RAD54B: variants seen among roughly 807,000 people sequenced by gnomAD.
RAD54B encodes the protein DNA repair and recombination protein RAD54B.
RAD54B carries 78 observed loss-of-function variants against 95.8 expected under a neutral mutation model. The ratio of observed to expected loss-of-function variants is 0.81; its 90% CI spans 0.68 to 0.98. RAD54B has a LOEUF of 0.98. RAD54B is among the 50% of genes least tolerant of loss of function. RAD54B has a pLI of 0.00. For missense variants in RAD54B, 957 were observed against 1,056.6 expected (o/e 0.91, Z 1.31); for synonymous variants, 328 against 354.9 (o/e 0.92, Z 0.85).
intron 6 of RAD54B, 49 bp downstream of exon 6, chr8:94,404,028 G>A (rs1034477914): frequency 7.1e-7 from 1 of 1,410,454 alleles, no homozygotes; most frequent in African/African-American, 1.4e-5. Flanking sequence ...TTGTGTTACA[G>A]GTTAAATCAA....
At chr8:94,430,442 G>A (rs1345500680) in intron 3 of RAD54B, 2 of 984,880 alleles carry the variant, frequency 2.0e-6, no homozygotes, top group African/African-American at 1.7e-5. Flanking sequence ...TAGGCACCAA[G>A]CGAGGTTCCA....
intron 3 of RAD54B, among the ~76,000 whole-genome samples, chr8:94,419,477 T>C (rs1026611654): frequency 6.6e-6 from 1 of 151,918 alleles, no homozygotes; most frequent in African/African-American, 2.4e-5. Flanking sequence ...CACTGCACTC[T>C]AGCCTGGGCA....
chr8:94,418,229 AT>A (rs1188798680), intron 3 of RAD54B, among the ~76,000 whole-genome samples: 1 of 151,996 alleles, frequency 6.6e-6, no homozygotes, highest in East Asian at 1.9e-4. Context: ...TTTAAGCTCT[AT>A]CATATTCAAT....
At chr8:94,396,659 T>C (rs544237658) in intron 8 of RAD54B, among the ~76,000 whole-genome samples, 1 of 152,302 alleles carries the variant, frequency 6.6e-6, no homozygotes, top group African/African-American at 2.4e-5. Context: ...TTATCTTTTC[T>C]ATGATATAAT....
intron 3 of RAD54B, among the ~76,000 whole-genome samples, chr8:94,425,780 C>G (rs1450037406): frequency 6.6e-6 from 1 of 150,868 alleles, no homozygotes; most frequent in Non-Finnish European, 1.5e-5. Flanking sequence ...TCTTCAATAC[C>G]TCATGTCAGA....
At chr8:94,452,064 G>A (rs1435463129) in intron 3 of RAD54B, among the ~76,000 whole-genome samples, 2 of 152,132 alleles carry the variant, frequency 1.3e-5, no homozygotes, top group African/African-American at 4.8e-5. Context: ...CTCCTTTCTG[G>A]TTCATAGATG....
chr8:94,468,632 T>C (rs1423000423), intron 1 of RAD54B, among the ~76,000 whole-genome samples: 1 of 151,920 alleles, frequency 6.6e-6, no homozygotes, highest in East Asian at 1.9e-4. Context: ...GAGACCATCC[T>C]GGCTAACCCA....
intron 3 of RAD54B, chr8:94,432,125 A>T (rs200271478): frequency 5.3e-6 from 8 of 1,509,402 alleles, no homozygotes; most frequent in Non-Finnish European, 7.1e-6. Context: ...AGATTGAAAA[A>T]AAAACTTAGA....
intron 1 of RAD54B, among the ~76,000 whole-genome samples, chr8:94,470,462 G>A (rs538143561): frequency 1.3e-5 from 2 of 152,244 alleles, no homozygotes; most frequent in East Asian, 3.9e-4. Context: ...AGGCGTGGTG[G>A]CGCATGCCTG....
chr8:94,439,381 C>T (rs1423843060), intron 3 of RAD54B, among the ~76,000 whole-genome samples: 1 of 152,182 alleles, frequency 6.6e-6, no homozygotes, highest in African/African-American at 2.4e-5. Flanking sequence ...ACAATACATC[C>T]ATATCATGGT....
At chr8:94,455,517 AAAG>A (rs1812759387) in intron 3 of RAD54B, among the ~76,000 whole-genome samples, 1 of 152,238 alleles carries the variant, frequency 6.6e-6, no homozygotes, top group African/African-American at 2.4e-5. Flanking sequence ...AAAGAATCAG[AAAG>A]AATAAAAAAA....
intron 11 of RAD54B, among the ~76,000 whole-genome samples, chr8:94,382,800 G>C (rs1810777762): frequency 6.6e-6 from 1 of 152,114 alleles, no homozygotes; most frequent in Non-Finnish European, 1.5e-5. Flanking sequence ...CCCTGCTCTT[G>C]CTAGCTCTCT....
At chr8:94,400,876 G>T (rs1406472792) in intron 6 of RAD54B, among the ~76,000 whole-genome samples, 1 of 152,092 alleles carries the variant, frequency 6.6e-6, no homozygotes, top group East Asian at 1.9e-4. Flanking sequence ...GATCTACTGA[G>T]CTGTATTTTA....
At chr8:94,412,748 ATATAAAG>A (rs973834995) in intron 3 of RAD54B, among the ~76,000 whole-genome samples, 2 of 152,184 alleles carry the variant, frequency 1.3e-5, no homozygotes, top group African/African-American at 4.8e-5. Context: ...CAACAAAAGC[ATATAAAG>A]TATAAAGATC....
At chr8:94,453,632 G>A (rs1812716401) in intron 3 of RAD54B, among the ~76,000 whole-genome samples, 1 of 152,122 alleles carries the variant, frequency 6.6e-6, no homozygotes, top group Non-Finnish European at 1.5e-5. Context: ...AAGGAAGCTA[G>A]TGAACAATTA....
intron 1 of RAD54B, among the ~76,000 whole-genome samples, chr8:94,470,333 T>G (rs1366463867): frequency 6.6e-6 from 1 of 151,850 alleles, no homozygotes; most frequent in Non-Finnish European, 1.5e-5. Flanking sequence ...GTGCAGTGGC[T>G]CACACCTGTA....
chr8:94,416,821 T>C lies in RAD54B; in HGVS notation c.305-5506A>G, dbSNP rs189882643. On this transcript the variant is annotated intron_variant, in intron 3 of 14. Coordinates refer to ENST00000336148, the MANE Select transcript of RAD54B (RefSeq NM_012415.3). ...GTGCAGCACTTTGGAAAAACCAGCA[T>C]GACAGTTGCTCAAACAATTAAACAA... 5.9e-5 allele frequency among the ~76,000 whole-genome samples: 9 copies of C among 152,258 alleles called. No homozygotes were observed. The East Asian group carries it at 1.7e-3, about 29-fold the overall frequency.
intron 2 of RAD54B, among the ~76,000 whole-genome samples, chr8:94,464,808 C>T (rs941842986): frequency 4.6e-5 from 7 of 152,054 alleles, no homozygotes; most frequent in African/African-American, 1.7e-4. Context: ...AAGCATGGTG[C>T]CAGCTTCTGT....
At chr8:94,457,143 A>G (rs1295113260) in intron 3 of RAD54B, among the ~76,000 whole-genome samples, 1 of 152,236 alleles carries the variant, frequency 6.6e-6, no homozygotes, top group Non-Finnish European at 1.5e-5. Context: ...AACTGGGCAT[A>G]CATGGATCAT....
Sources: allele counts gnomAD v4.1 joint callset (sites outside exome capture counted in the v4.1 genomes callset), GRCh38; gene constraint gnomAD v4.1.1; transcripts MANE v1.5; gene names NCBI Gene and HGNC (gene_info 2026-07-23, HGNC 2026-07-21).